PRPF8: variants seen among roughly 807,000 people sequenced by gnomAD.
The protein encoded by PRPF8 is pre-mRNA-processing-splicing factor 8.
A neutral mutation model predicts 285.9 loss-of-function variants in PRPF8; 64 were observed. The observed-to-expected ratio is 0.22, with a 90% CI of 0.18 to 0.28. The LOEUF (loss-of-function observed/expected upper bound fraction) is 0.28, where lower values mean the gene tolerates loss of function less well. Among genes scored for constraint, PRPF8 ranks in the 10% least tolerant of loss-of-function variants. The pLI is 1.00. For synonymous variants in PRPF8, 1,325 were observed against 1,118.2 expected (o/e 1.18, Z -3.69); for missense variants, 1,426 against 3,026.7 (o/e 0.47, Z 12.41).
At chr17:1,660,617 G>C (rs1450049151) in intron 29 of PRPF8, 39 bp from the exon 30 acceptor site, 19 of 1,614,174 alleles carry the variant, frequency 1.2e-5, no homozygotes, top group South Asian at 2.2e-5. Flanking sequence ...GAGATCAAGA[G>C]ACTCGGGCGC....
In PRPF8 at chr17:1,680,825, A is replaced by G. The variant is rs1419490847; in HGVS notation, c.999T>C (p.His333=). 1.9e-6 allele frequency: 3 copies of G among 1,614,082 alleles called. No homozygotes were observed. The highest frequency in any genetic ancestry group is 2.5e-6 in the Non-Finnish European group (3 of 1,179,950). ...TTTTGATGAATACAACATTGGGAGT[A>G]TGGTACCTAAAATGAAAGGAAGAGT... ...LPHHVHLTWY[H]TPNVVFIKTE... Residue 333 remains histidine (H), a synonymous_variant, in exon 8 of 43, where the codon CAT becomes CAC. Coordinates refer to ENST00000304992, the MANE Select transcript of PRPF8 (RefSeq NM_006445.4).
intron 37 of PRPF8, chr17:1,654,953 A>C: frequency 4.4e-6 from 1 of 229,144 alleles, no homozygotes. Flanking sequence ...TTTCTTGAGA[A>C]ACGTCTTTTT....
intron 29 of PRPF8, 54 bp from the exon 30 acceptor site, chr17:1,660,632 G>A (rs1567679548): frequency 6.8e-6 from 11 of 1,614,154 alleles, no homozygotes; most frequent in Non-Finnish European, 9.3e-6. Flanking sequence ...GGGCGCTCAC[G>A]ACATAACCAA....
At chr17:1,669,194 C>A (rs1042917302) in intron 24 of PRPF8, among the ~76,000 whole-genome samples, 1 of 152,188 alleles carries the variant, frequency 6.6e-6, no homozygotes, top group Non-Finnish European at 1.5e-5. Context: ...GCAACCTCTA[C>A]CTCCCGGGTT....
At position 1,673,507 on chromosome 17, in the gene PRPF8, C is replaced by T. The variant is rs1912441579; in HGVS notation, c.3507G>A (p.Gln1169=). The part of the protein sequence containing the change: ...NRLPRSVTTV[Q]WENSFVSVYS... Reference sequence around the variant, plus strand: ...ACACAGACACGAAGCTGTTCTCCCACTGAACTGTAGTCACTGACCGTGGCA... The same window carrying T: ...ACACAGACACGAAGCTGTTCTCCCATTGAACTGTAGTCACTGACCGTGGCA... The change falls in exon 23 of 43, where the codon CAG becomes CAA. Residue 1169 remains glutamine (Q), a synonymous_variant. Transcript: ENST00000304992. The surrounding 1 kb of genome is among the most constrained non-coding windows in gnomAD (Gnocchi z 5.5). 1.9e-6 allele frequency: 3 copies of T among 1,614,234 alleles called. No homozygotes were observed. The highest frequency in any genetic ancestry group is 2.5e-6 in the Non-Finnish European group (3 of 1,180,046).
chr17:1,681,628 T>C lies in PRPF8; in HGVS notation c.716A>G (p.Tyr239Cys), dbSNP rs370806096. Residue 239 changes from tyrosine (Y) to cysteine (C), a missense_variant, in exon 6 of 43, where the codon TAC becomes TGC. Around this residue, in one of 34 missense-constraint regions of PRPF8, gnomAD observed 157 missense variants for 159.6 expected, o/e 0.98. Transcript: ENST00000304992. ...TGTCAGGAGCTGATTAGCCAGGCGGTAGAGAGTCGACATCATAGGTAGTGT... is the reference window on the plus strand; with the variant it reads ...TGTCAGGAGCTGATTAGCCAGGCGGCAGAGAGTCGACATCATAGGTAGTGT... Reference protein sequence around the residue: ...QFTLPMMSTLYRLANQLLTDL... With the variant: ...QFTLPMMSTLCRLANQLLTDL... The C allele has an allele frequency of 1.6e-5, 26 of 1,613,938 alleles. No individual in the cohort carries two copies. In the South Asian group the frequency reaches 2.3e-4, roughly 14 times the overall value.
rs1209316375 is a variant in PRPF8 at position 1,653,204 on chromosome 17, T to C, written c.6369+338A>G. The C allele has an allele frequency of 2.3e-6, 1 of 438,400 alleles. No individual in the cohort carries two copies. Among genetic ancestry groups the C allele is most frequent in the Admixed American group, 3.5e-5 (1 of 28,960 alleles). The allele number at this position is 438,400 out of a possible 1,614,324, so 27.2% of individuals were successfully genotyped here. On this transcript the variant is annotated intron_variant, in intron 39 of 42. Coordinates refer to ENST00000304992, the MANE Select transcript of PRPF8 (RefSeq NM_006445.4). This position sits in a 1 kb window ranked among gnomAD's most constrained non-coding sequence, Gnocchi z 4.9. Reference sequence around the variant, plus strand: ...ATCCACCCACCTAGGCCTCCCAAAGTGCTGGGATTATAGGCATTAGCCACT... The same window carrying C: ...ATCCACCCACCTAGGCCTCCCAAAGCGCTGGGATTATAGGCATTAGCCACT...
rs1597227679 is a variant in PRPF8 at position 1,655,473 on chromosome 17, T to C, written c.5864A>G (p.Lys1955Arg). ...TTCTGTAATAGTAGTCTTGTCTGGC[T>C]TCAGGATCACTTTTGCCCGATCGTT... ...VNNDRAKVIL[K>R]PDKTTITEPH... Residue 1955 changes from lysine (K) to arginine (R), a missense_variant, in exon 37 of 43, where the codon AAG (lysine) becomes AGG (arginine). Transcript: ENST00000304992. 1 of 1,614,098 alleles carries C rather than the reference T, an allele frequency of 6.2e-7. No individual in the cohort carries two copies.
rs1911664014 is a variant in PRPF8 at position 1,661,217 on chromosome 17, C to T, written c.4338+54G>A. On this transcript the variant is annotated intron_variant, in intron 27 of 42. Transcript: ENST00000304992. This position sits in a 1 kb window ranked among gnomAD's most constrained non-coding sequence, Gnocchi z 7.3. ...TCTGGGTGCCTATTGCCCCAAGTTT[C>T]GGGGATAGCCATGGATTTTCCTGAC... The T allele has an allele frequency of 3.7e-6, 6 of 1,614,090 alleles. No homozygotes were observed. The highest frequency in any genetic ancestry group is 3.4e-6 in the Non-Finnish European group (4 of 1,180,016).
intron 3 of PRPF8, 71 bp from the exon 4 acceptor site, chr17:1,682,364 G>A: frequency 6.4e-7 from 1 of 1,552,818 alleles, no homozygotes; most frequent in Admixed American, 1.7e-5. Flanking sequence ...ATGCAGAGAA[G>A]CCACATGTTC....
rs933557404 is a variant in PRPF8, at chr17:1,676,766, C to A, written c.2182-55G>T. On this transcript the variant is annotated intron_variant, in intron 15 of 42. Transcript: ENST00000304992. The surrounding 1 kb of genome is among the most constrained non-coding windows in gnomAD (Gnocchi z 6.3). ...GGATCCAGCCAGGCACTGTGGCACA[C>A]ATCTGTAGTCCCGGCTACTCAGGAG... 13 of 1,590,810 alleles carry A rather than the reference C, an allele frequency of 8.2e-6. No homozygotes were observed. The African/African-American group carries it at 1.7e-4, about 21-fold the overall frequency.
At position 1,679,750 on chromosome 17, in the gene PRPF8, A is replaced by C; in HGVS notation, c.1148T>G (p.Phe383Cys). ...DDDEEFELPE[F>C]VEPFLKDTPL... Reference sequence around the variant, plus strand: ...TGTGTCCTTCAGGAAGGGCTCCACAAACTCCGGGAGCTCAAATTCCTCATC... The same window carrying C: ...TGTGTCCTTCAGGAAGGGCTCCACACACTCCGGGAGCTCAAATTCCTCATC... Residue 383 changes from phenylalanine (F) to cysteine (C), a missense_variant, in exon 9 of 43, where the codon TTT (phenylalanine) becomes TGT (cysteine). Phe to Cys is a radical substitution (Grantham distance 205, BLOSUM62 -2). Transcript: ENST00000304992. This position sits in a 1 kb window ranked among gnomAD's most constrained non-coding sequence, Gnocchi z 4.7. The C allele has an allele frequency of 5.0e-6, 8 of 1,614,186 alleles. No individual in the cohort carries two copies. Among genetic ancestry groups the C allele is most frequent in the Non-Finnish European group, 6.8e-6 (8 of 1,180,036 alleles).
chr17:1,653,839 G>A lies in PRPF8; in HGVS notation c.6165C>T (p.Ile2055=), dbSNP rs541977582. 8 of 1,614,072 alleles carry A rather than the reference G, an allele frequency of 5.0e-6. No individual in the cohort carries two copies. In the African/African-American group the frequency reaches 6.7e-5, roughly 13 times the overall value. Reference sequence around the variant, plus strand: ...TCTCATAGTTGCTGGTGGTGGAGGTGATGATCTCATCGCCATGCTTGTTGA... The same window carrying A: ...TCTCATAGTTGCTGGTGGTGGAGGTAATGATCTCATCGCCATGCTTGTTGA... The part of the protein sequence containing the change: ...RTVNKHGDEI[I]TSTTSNYETQ... Residue 2055 remains isoleucine (I), a synonymous_variant, in exon 38 of 43, where the codon ATC becomes ATT. Transcript: ENST00000304992. This position sits in a 1 kb window ranked among gnomAD's most constrained non-coding sequence, Gnocchi z 4.9.
chr17:1,661,776 G>A lies in PRPF8; in HGVS notation c.4037C>T (p.Thr1346Ile), dbSNP rs2151116688. The A allele has an allele frequency of 6.2e-7, 1 of 1,614,196 alleles. No individual in the cohort carries two copies. Among genetic ancestry groups the A allele is most frequent in the Non-Finnish European group, 8.5e-7 (1 of 1,180,046 alleles). The change falls in exon 26 of 43, where the codon ACA becomes ATA. Residue 1346 changes from threonine to isoleucine, a missense_variant. Thr to Ile is a moderately conservative substitution (Grantham distance 89, BLOSUM62 -1). Coordinates refer to ENST00000304992, the MANE Select transcript of PRPF8 (RefSeq NM_006445.4). The surrounding 1 kb of genome is among the most constrained non-coding windows in gnomAD (Gnocchi z 7.3). The stretch of plus-strand genomic sequence containing the variant: ...ACGAAAGTGTGTGATACCTACATCT[G>A]TCTGTTTGGACCACCTGTTTGGGTG... ...PQSDLRWSKQ[T>I]DVGITHFRSG...
intron 3 of PRPF8, among the ~76,000 whole-genome samples, chr17:1,682,551 G>C (rs1912988809): frequency 6.6e-6 from 1 of 152,120 alleles, no homozygotes; most frequent in Non-Finnish European, 1.5e-5. Context: ...TCTGGAGACA[G>C]CTTTGCGGCT....
At chr17:1,668,655 G>C (rs900221389) in intron 24 of PRPF8, among the ~76,000 whole-genome samples, 2 of 151,912 alleles carry the variant, frequency 1.3e-5, no homozygotes, top group South Asian at 2.1e-4. Context: ...AGCCACCGCG[G>C]CCGGCTGGGT....
rs945901699 is a variant in PRPF8, at chr17:1,658,123, T to C, written c.5505+130A>G. On this transcript the variant is annotated intron_variant, in intron 34 of 42. Coordinates refer to ENST00000304992, the MANE Select transcript of PRPF8 (RefSeq NM_006445.4). This position sits in a 1 kb window ranked among gnomAD's most constrained non-coding sequence, Gnocchi z 4.1. Reference sequence around the variant, plus strand: ...ACCTCCCACAGAATACTTCCCAAGGTATTTTGGGGATAAGTTCAAATGAGA... The same window carrying C: ...ACCTCCCACAGAATACTTCCCAAGGCATTTTGGGGATAAGTTCAAATGAGA... The C allele has an allele frequency of 3.7e-6, 5 of 1,363,694 alleles. No individual in the cohort carries two copies. The highest frequency in any genetic ancestry group is 4.1e-6 in the Non-Finnish European group (4 of 976,124). 84.5% of individuals were successfully genotyped at this position (1,363,694 alleles called of 1,614,324 possible). A position where few individuals can be genotyped will look rare whatever the true frequency, so the allele number is the denominator to read the frequency against.
rs1276415361 is a variant in PRPF8 at position 1,653,051 on chromosome 17, G to T, written c.6369+491C>A. ...CCTCCCGGGTTCAAGCAATTCTCCT[G>T]TCTCAACCTCCCTAGTAGCTGCAAC... is the stretch of plus-strand genomic sequence containing the variant. On this transcript the variant is annotated intron_variant, in intron 39 of 42. Coordinates refer to ENST00000304992, the MANE Select transcript of PRPF8 (RefSeq NM_006445.4). The surrounding 1 kb of genome is among the most constrained non-coding windows in gnomAD (Gnocchi z 4.9). The T allele has an allele frequency of 3.6e-5, 9 of 251,080 alleles. No homozygotes were observed. Among genetic ancestry groups the T allele is most frequent in the South Asian group, 9.4e-5 (2 of 21,390 alleles). 15.6% of individuals were successfully genotyped at this position (251,080 alleles called of 1,614,324 possible).
intron 6 of PRPF8, 126 bp downstream of exon 6, chr17:1,681,352 A>G (rs1419646137): frequency 8.6e-7 from 1 of 1,160,302 alleles, no homozygotes; most frequent in Non-Finnish European, 1.3e-6. Context: ...AAGTGCTGAG[A>G]TTACAGCGTG....
Sources: allele counts gnomAD v4.1 joint callset (sites outside exome capture counted in the v4.1 genomes callset), GRCh38; gene constraint gnomAD v4.1.1; regional missense constraint gnomAD v4.1.1; non-coding constraint Gnocchi (gnomAD v3.1); transcripts MANE v1.5; gene names NCBI Gene and HGNC (gene_info 2026-07-23, HGNC 2026-07-21).